FAR2: variants seen among roughly 807,000 people sequenced by gnomAD.
The protein encoded by FAR2 is epididymis secretory protein Li 81.
FAR2 carries 19 observed loss-of-function variants against 56.0 expected under a neutral mutation model. That is an observed-to-expected ratio of 0.34 (90% CI 0.24 to 0.50). The LOEUF is 0.50. Among genes scored for constraint, FAR2 ranks in the 20% least tolerant of loss-of-function variants. FAR2 has a pLI of 0.98. For missense variants in FAR2, 508 were observed against 642.2 expected, an observed-to-expected ratio of 0.79 and a Z score of 2.26; for synonymous variants, 219 against 218.8, an observed-to-expected ratio of 1.00 and a Z score of -0.01.
intron 8 of FAR2, among the ~76,000 whole-genome samples, chr12:29,313,427 T>G (rs1591960500): frequency 6.6e-6 from 1 of 152,214 alleles, no homozygotes; most frequent in Non-Finnish European, 1.5e-5. Context: ...ATTATCTTTT[T>G]TATATTCTGT....
intron 1 of FAR2, among the ~76,000 whole-genome samples, chr12:29,160,779 A>G (rs2136577485): frequency 6.6e-6 from 1 of 152,028 alleles, no homozygotes; most frequent in South Asian, 2.1e-4. Flanking sequence ...TTCTATGCGT[A>G]TATCTGTCTT....
At chr12:29,297,312 A>T in intron 4 of FAR2, 112 bp downstream of exon 4, 1 of 1,049,652 alleles carries the variant, frequency 9.5e-7, no homozygotes, top group Non-Finnish European at 1.4e-6. Context: ...TTGAAGCAAA[A>T]TGTTTTGAAA....
intron 1 of FAR2, among the ~76,000 whole-genome samples, chr12:29,243,951 T>C (rs1259844737): frequency 6.6e-6 from 1 of 152,142 alleles, no homozygotes; most frequent in Non-Finnish European, 1.5e-5. Flanking sequence ...CATCATAGTA[T>C]CCCCAGCATG....
In FAR2 at chr12:29,296,194, TTTAG is replaced by T. The variant is rs1209513037; in HGVS notation, c.366-825_366-822del. Among the ~76,000 whole-genome samples the T allele has an allele frequency of 4.0e-5, 6 of 151,408 alleles. No homozygotes were observed. In the Admixed American group the frequency reaches 4.0e-4, roughly 10 times the overall value. The stretch of plus-strand genomic sequence containing the variant: ...CGACAGTAATTTTTGTGGCTGTCTT[TTTAG>T]TATCTATATCTGTTCTTTAATTTTA... On this transcript the variant is annotated intron_variant, in intron 3 of 11. Transcript: ENST00000536681.
chr12:29,185,326 T>G (rs1015526461), intron 1 of FAR2, among the ~76,000 whole-genome samples: 2 of 152,222 alleles, frequency 1.3e-5, no homozygotes, highest in African/African-American at 2.4e-5. Flanking sequence ...TCCCTTTACT[T>G]CATTGGTATC....
intron 10 of FAR2, among the ~76,000 whole-genome samples, chr12:29,330,074 T>TTTG (rs1949709127): frequency 1.3e-5 from 2 of 150,934 alleles, no homozygotes; most frequent in Admixed American, 1.3e-4. Context: ...TTTTTTTTTT[T>TTTG]GAGACCATGT....
chr12:29,269,568 A>T lies in FAR2; in HGVS notation c.-38-844A>T, dbSNP rs527462669. Among the ~76,000 whole-genome samples, 7 of 152,338 alleles carry T rather than the reference A, an allele frequency of 4.6e-5. No individual in the cohort carries two copies. The South Asian group carries it at 1.4e-3, about 32-fold the overall frequency. On this transcript the variant is annotated intron_variant, in intron 1 of 11. Coordinates refer to ENST00000536681, the MANE Select transcript of FAR2 (RefSeq NM_001271783.2). The stretch of plus-strand genomic sequence containing the variant: ...GACAGGCATAGGAAATCACCAGGGT[A>T]TTGACTGGGGAAGTGATAAGTGTCC...
chr12:29,249,693 A>G (rs1948178029), intron 1 of FAR2, among the ~76,000 whole-genome samples: 1 of 152,200 alleles, frequency 6.6e-6, no homozygotes, highest in African/African-American at 2.4e-5. Context: ...GATAGTATCC[A>G]TTTGCTACTA....
chr12:29,203,984 A>T (rs1249432530), intron 1 of FAR2, among the ~76,000 whole-genome samples: 2 of 115,632 alleles, frequency 1.7e-5, no homozygotes, highest in African/African-American at 6.6e-5. Context: ...TGGGAGAGAG[A>T]GTGAGATTCC....
chr12:29,295,812 A>G (rs1187538032), intron 3 of FAR2, among the ~76,000 whole-genome samples: 1 of 124,804 alleles, frequency 8.0e-6, no homozygotes, highest in Non-Finnish European at 1.6e-5. Context: ...CCCAGGCCGG[A>G]CTGCGGACTG....
intron 11 of FAR2, chr12:29,332,956 T>C: frequency 1.7e-6 from 1 of 593,174 alleles, no homozygotes; most frequent in Non-Finnish European, 3.1e-6. Context: ...GATATCTAGA[T>C]TTAAACACAG....
chr12:29,198,590 A>G (rs1042452860), intron 1 of FAR2, among the ~76,000 whole-genome samples: 3 of 152,066 alleles, frequency 2.0e-5, no homozygotes, highest in South Asian at 2.1e-4. Context: ...AGTAATGTTC[A>G]TAGCTTTGTT....
intron 2 of FAR2, among the ~76,000 whole-genome samples, chr12:29,286,634 G>A (rs1436161166): frequency 6.6e-6 from 1 of 152,180 alleles, no homozygotes; most frequent in Non-Finnish European, 1.5e-5. Flanking sequence ...GATCTTTGGT[G>A]TGGGGAAAAG....
intron 1 of FAR2, among the ~76,000 whole-genome samples, chr12:29,201,891 C>A (rs1231940580): frequency 6.6e-6 from 1 of 152,192 alleles, no homozygotes; most frequent in African/African-American, 2.4e-5. Flanking sequence ...TCCACCACTA[C>A]AGAAAGTTTT....
At chr12:29,284,018 G>T (rs1948829257) in intron 2 of FAR2, among the ~76,000 whole-genome samples, 1 of 152,104 alleles carries the variant, frequency 6.6e-6, no homozygotes, top group Admixed American at 6.6e-5. Flanking sequence ...GTGTCTTACC[G>T]ATATGTTTCT....
intron 6 of FAR2, among the ~76,000 whole-genome samples, chr12:29,310,186 C>A (rs59173481): frequency 2.0e-5 from 3 of 152,262 alleles, no homozygotes; most frequent in African/African-American, 7.2e-5. Flanking sequence ...ATTATTTTAA[C>A]GTGATCCCAA....
intron 11 of FAR2, chr12:29,333,047 G>C (rs543612051): frequency 8.1e-5 from 31 of 383,864 alleles, no homozygotes; most frequent in South Asian, 6.3e-4. Context: ...ACCACACTCT[G>C]TCATAATGGG....
intron 1 of FAR2, among the ~76,000 whole-genome samples, chr12:29,257,382 C>T (rs1378649617): frequency 6.6e-6 from 1 of 152,184 alleles, no homozygotes; most frequent in Admixed American, 6.5e-5. Context: ...CCAATCAGCG[C>T]CCTGTCAAAA....
intron 1 of FAR2, among the ~76,000 whole-genome samples, chr12:29,253,374 T>G (rs1383245465): frequency 6.7e-5 from 10 of 148,200 alleles, no homozygotes; most frequent in Non-Finnish European, 1.4e-4. Context: ...TATCTATCTA[T>G]CTAGATAGAT....
Sources: allele counts gnomAD v4.1 joint callset (sites outside exome capture counted in the v4.1 genomes callset), GRCh38; gene constraint gnomAD v4.1.1; transcripts MANE v1.5; gene names NCBI Gene and HGNC (gene_info 2026-07-23, HGNC 2026-07-21).